The following FNDC3B variants were observed in gnomAD, a reference collection of about 807,000 sequenced individuals.
FNDC3B encodes fibronectin type III domain containing 3B.
A neutral mutation model predicts 151.5 loss-of-function variants in FNDC3B; 12 were observed. The ratio of observed to expected loss-of-function variants is 0.08; its 90% CI spans 0.05 to 0.13. FNDC3B has a LOEUF of 0.13. Ranked by LOEUF, FNDC3B falls within the 10% of genes least tolerant of loss-of-function variation. The probability of loss-of-function intolerance (pLI) is 1.00; values close to 1 mark genes in which losing one functional copy is unlikely to be tolerated. For synonymous variants in FNDC3B, 528 were observed against 549.0 expected (o/e 0.96, Z 0.54); for missense variants, 1,214 against 1,505.3 (o/e 0.81, Z 3.20).
chr3:172,075,809 C>A (rs1447507889), intron 1 of FNDC3B, among the ~76,000 whole-genome samples: 1 of 151,084 alleles, frequency 6.6e-6, no homozygotes, highest in East Asian at 1.9e-4. Context: ...TTTCACAAAT[C>A]AATACTTGCC....
chr3:172,258,430 A>C (rs560709481), intron 6 of FNDC3B, among the ~76,000 whole-genome samples: 2 of 152,080 alleles, frequency 1.3e-5, no homozygotes, highest in African/African-American at 4.8e-5. Flanking sequence ...TTCTCTTACT[A>C]TTCTTATATT....
At chr3:172,370,279 A>G (rs896340890) in intron 23 of FNDC3B, among the ~76,000 whole-genome samples, 18 of 152,360 alleles carry the variant, frequency 1.2e-4, no homozygotes, top group African/African-American at 4.3e-4. Context: ...TTAAAGAAAC[A>G]TTCTAAAGCT....
chr3:172,280,906 G>GA (rs1325166626), intron 6 of FNDC3B, among the ~76,000 whole-genome samples: 2 of 147,948 alleles, frequency 1.4e-5, no homozygotes, highest in Non-Finnish European at 3.0e-5. Flanking sequence ...TCTTTTTTTT[G>GA]AAAAAAACTA....
At chr3:172,294,966 G>T (rs1289506474) in intron 7 of FNDC3B, among the ~76,000 whole-genome samples, 1 of 152,160 alleles carries the variant, frequency 6.6e-6, no homozygotes, top group Non-Finnish European at 1.5e-5. Flanking sequence ...TTGTTGGAAA[G>T]GTATTAGCTT....
intron 3 of FNDC3B, among the ~76,000 whole-genome samples, chr3:172,165,420 T>C (rs151285497): frequency 3.3e-5 from 5 of 152,342 alleles, no homozygotes; most frequent in African/African-American, 1.2e-4. Flanking sequence ...GAAAAGTGAA[T>C]TCAGCAGATT....
At chr3:172,126,346 T>G (rs1251746959) in intron 2 of FNDC3B, among the ~76,000 whole-genome samples, 4 of 152,284 alleles carry the variant, frequency 2.6e-5, no homozygotes, top group Admixed American at 2.0e-4. Context: ...GAATTTGGAC[T>G]TGGTGCAGAA....
chr3:172,176,986 G>A (rs1723628546), intron 3 of FNDC3B, among the ~76,000 whole-genome samples: 1 of 152,168 alleles, frequency 6.6e-6, no homozygotes, highest in Admixed American at 6.5e-5. Context: ...GGGGGCTTCT[G>A]ACTCAATTGC....
chr3:172,342,079 C>G (rs1227640853), intron 17 of FNDC3B, among the ~76,000 whole-genome samples: 1 of 152,196 alleles, frequency 6.6e-6, no homozygotes, highest in Non-Finnish European at 1.5e-5. Context: ...GCTGGGTTGA[C>G]TTTTCAAGAG....
intron 11 of FNDC3B, 70 bp downstream of exon 11, chr3:172,310,951 T>A: frequency 2.8e-6 from 3 of 1,076,268 alleles, no homozygotes; most frequent in East Asian, 2.4e-5. Context: ...ACAAATGCCA[T>A]CTTATTCTTT....
intron 4 of FNDC3B, chr3:172,237,375 T>C (rs534198367): frequency 3.3e-5 from 5 of 151,998 alleles, no homozygotes; most frequent in Non-Finnish European, 5.9e-5. Flanking sequence ...AGCCCAGGAG[T>C]ATTGGGCTGT....
chr3:172,378,165 G>A, intron 23 of FNDC3B, 105 bp from the exon 24 acceptor site: 1 of 838,234 alleles, frequency 1.2e-6, no homozygotes, highest in South Asian at 1.9e-5. Context: ...TGTATGGAAA[G>A]CGTTTACCAG....
intron 2 of FNDC3B, among the ~76,000 whole-genome samples, chr3:172,116,629 G>A (rs1372974374): frequency 1.3e-5 from 2 of 151,856 alleles, no homozygotes; most frequent in Non-Finnish European, 2.9e-5. Context: ...GCAATGGCAC[G>A]ATCTCTGCTC....
chr3:172,108,981 C>T (rs868523758), intron 1 of FNDC3B, among the ~76,000 whole-genome samples: 1 of 152,270 alleles, frequency 6.6e-6, no homozygotes, highest in South Asian at 2.1e-4. Flanking sequence ...TTGTATGTCT[C>T]TTGCATTCTA....
chr3:172,161,097 A>G (rs1722741492), intron 3 of FNDC3B, among the ~76,000 whole-genome samples: 1 of 152,162 alleles, frequency 6.6e-6, no homozygotes, highest in South Asian at 2.1e-4. Flanking sequence ...GTAATTTCTT[A>G]GTTGTGTTCA....
At chr3:172,369,557 T>C (rs1336079833) in intron 23 of FNDC3B, among the ~76,000 whole-genome samples, 4 of 152,020 alleles carry the variant, frequency 2.6e-5, no homozygotes, top group African/African-American at 9.7e-5. Flanking sequence ...AAAAGGAGCA[T>C]AAAAAAATTC....
chr3:172,130,082 G>GCTC (rs985081249), intron 2 of FNDC3B, among the ~76,000 whole-genome samples: 1 of 152,100 alleles, frequency 6.6e-6, no homozygotes, highest in Non-Finnish European at 1.5e-5. Flanking sequence ...TGTGACTCAT[G>GCTC]CTCCTCGGGG....
intron 12 of FNDC3B, chr3:172,329,595 A>G (rs918956890): frequency 1.3e-5 from 2 of 152,346 alleles, no homozygotes; most frequent in Non-Finnish European, 1.5e-5. Flanking sequence ...ACTGTAAGGT[A>G]TCAATTGATT....
At chr3:172,215,490 G>A (rs780691095) in intron 3 of FNDC3B, among the ~76,000 whole-genome samples, 13 of 152,196 alleles carry the variant, frequency 8.5e-5, no homozygotes, top group East Asian at 1.9e-4. Context: ...TTGGAAGGCC[G>A]AGGTGAGTGG....
intron 7 of FNDC3B, among the ~76,000 whole-genome samples, chr3:172,287,948 G>A (rs1323507621): frequency 6.6e-6 from 1 of 152,168 alleles, no homozygotes; most frequent in African/African-American, 2.4e-5. Flanking sequence ...GCATTGCTTG[G>A]CTACAGAAGC....
Sources: allele counts gnomAD v4.1 joint callset (sites outside exome capture counted in the v4.1 genomes callset), GRCh38; gene constraint gnomAD v4.1.1; transcripts MANE v1.5; gene names NCBI Gene and HGNC (gene_info 2026-07-23, HGNC 2026-07-21).